The following RCOR1 variants were observed in gnomAD, a reference collection of about 807,000 sequenced individuals.
RCOR1 encodes REST corepressor 1.
In RCOR1, 12 loss-of-function variants were observed where a neutral mutation model predicts 64.0. That is an observed-to-expected ratio of 0.19 (90% CI 0.12 to 0.30). The LOEUF is 0.30. Ranked by LOEUF, RCOR1 falls within the 10% of genes least tolerant of loss-of-function variation. The probability of loss-of-function intolerance (pLI) is 1.00; values close to 1 mark genes in which losing one functional copy is unlikely to be tolerated. For synonymous variants in RCOR1, 279 were observed against 227.2 expected (o/e 1.23, Z -2.05); for missense variants, 502 against 621.2 (o/e 0.81, Z 2.04).
intron 2 of RCOR1, among the ~76,000 whole-genome samples, chr14:102,653,790 T>G (rs1486780309): frequency 6.6e-6 from 1 of 152,058 alleles, no homozygotes; most frequent in Non-Finnish European, 1.5e-5. Flanking sequence ...CCACCATGAT[T>G]ATAAGTTTAC....
At chr14:102,663,549 A>G (rs1894865216) in intron 2 of RCOR1, among the ~76,000 whole-genome samples, 1 of 152,218 alleles carries the variant, frequency 6.6e-6, no homozygotes, top group Admixed American at 6.5e-5. Flanking sequence ...ATTGTGTTAT[A>G]GGATAATCTG....
intron 2 of RCOR1, among the ~76,000 whole-genome samples, chr14:102,679,949 AAAG>A (rs1354241466): frequency 3.5e-4 from 53 of 152,212 alleles, no homozygotes; most frequent in African/African-American, 1.2e-3. Flanking sequence ...AATTACGGCA[AAAG>A]AAGGTGCTAC....
rs1332684154 is a variant in RCOR1, at chr14:102,708,541, T to C, written c.737T>C (p.Met246Thr). Residue 246 changes from methionine to threonine, a missense_variant, in exon 6 of 12, where the codon ATG (methionine) becomes ACG (threonine). Coordinates refer to ENST00000262241, the MANE Select transcript of RCOR1 (RefSeq NM_015156.4). ...WKKTRTKTSVMDRHARKQKRE... is the reference protein window; with the variant it reads ...WKKTRTKTSVTDRHARKQKRE... ...AAGACGAGGACTAAAACTAGTGTGA[T>C]GGATCGCCATGCCCGGAAACAAAAA... The C allele has an allele frequency of 6.2e-7, 1 of 1,612,904 alleles. No homozygotes were observed. The highest frequency in any genetic ancestry group is 8.5e-7 in the Non-Finnish European group (1 of 1,179,086).
chr14:102,712,440 A>G (rs904287292), intron 7 of RCOR1, among the ~76,000 whole-genome samples: 1 of 151,634 alleles, frequency 6.6e-6, no homozygotes, highest in African/African-American at 2.4e-5. Context: ...ATATATTTGT[A>G]TACGTAGCTA....
chr14:102,593,672 G>A (rs890152808), intron 2 of RCOR1, among the ~76,000 whole-genome samples: 1 of 152,196 alleles, frequency 6.6e-6, no homozygotes, highest in Non-Finnish European at 1.5e-5. Context: ...GGTAAGGGTG[G>A]CAGTGCCGGA....
Position 102,621,367 on chromosome 14 carries a change from C to CTTTTT in RCOR1, c.361+28064_361+28068dup, listed in dbSNP as rs35481023. 2.7e-3 allele frequency among the ~76,000 whole-genome samples: 209 copies of CTTTTT among 78,512 alleles called. 8 individuals carry two copies. Among genetic ancestry groups the CTTTTT allele is most frequent in the African/African-American group, 0.01 (197 of 19,660 alleles). The allele number at this position is 78,512 out of a possible 152,430, so 51.5% of individuals were successfully genotyped here. On this transcript the variant is annotated intron_variant, in intron 2 of 11. Transcript: ENST00000262241. ...AACTGTCTTGCACACCAGTCTTTGTCTTTTTTTTTTTTTTTTTTTTTTTTT... is the reference window on the plus strand; with the variant it reads ...AACTGTCTTGCACACCAGTCTTTGTCTTTTTTTTTTTTTTTTTTTTTTTTTTTTTT...
chr14:102,616,943 T>A (rs1893773327), intron 2 of RCOR1, among the ~76,000 whole-genome samples: 1 of 152,220 alleles, frequency 6.6e-6, no homozygotes, highest in Non-Finnish European at 1.5e-5. Context: ...AACAAACGGT[T>A]GCCAGCTATT....
intron 3 of RCOR1, among the ~76,000 whole-genome samples, chr14:102,688,759 G>T (rs1223888672): frequency 2.0e-5 from 3 of 152,168 alleles, no homozygotes; most frequent in African/African-American, 7.2e-5. Flanking sequence ...ACACGTTTCT[G>T]TTGAACCCCT....
At chr14:102,631,748 A>G (rs1206113238) in intron 2 of RCOR1, among the ~76,000 whole-genome samples, 1 of 152,140 alleles carries the variant, frequency 6.6e-6, no homozygotes, top group African/African-American at 2.4e-5. Context: ...ATAGCTTCTA[A>G]GCAGAACCCA....
chr14:102,628,714 C>T (rs572389884), intron 2 of RCOR1, among the ~76,000 whole-genome samples: 14 of 152,206 alleles, frequency 9.2e-5, no homozygotes, highest in African/African-American at 2.4e-4. Context: ...CCGCCATGCC[C>T]GGCCAATTTT....
At chr14:102,642,299 T>C (rs1384092579) in intron 2 of RCOR1, among the ~76,000 whole-genome samples, 1 of 152,246 alleles carries the variant, frequency 6.6e-6, no homozygotes, top group Non-Finnish European at 1.5e-5. Context: ...ATTCAGTGCC[T>C]CATGTTTCTT....
chr14:102,687,548 G>C (rs1398483844), intron 3 of RCOR1, among the ~76,000 whole-genome samples: 1 of 152,154 alleles, frequency 6.6e-6, no homozygotes, highest in East Asian at 1.9e-4. Context: ...TGTTGAGGAA[G>C]CGTAAATAAT....
chr14:102,595,449 C>T (rs985297326), intron 2 of RCOR1, among the ~76,000 whole-genome samples: 2 of 152,186 alleles, frequency 1.3e-5, no homozygotes, highest in Non-Finnish European at 2.9e-5. Context: ...GAGCAGTGAT[C>T]TGGCCATTGC....
At chr14:102,657,894 G>A (rs1595216188) in intron 2 of RCOR1, 2 of 983,980 alleles carry the variant, frequency 2.0e-6, no homozygotes, top group South Asian at 9.4e-5. Flanking sequence ...GAACAGGCCA[G>A]TTTCCCATTA....
chr14:102,675,688 A>G (rs776962976), intron 2 of RCOR1, among the ~76,000 whole-genome samples: 8 of 152,342 alleles, frequency 5.3e-5, no homozygotes, highest in Non-Finnish European at 8.8e-5. Flanking sequence ...GCAAATTCCA[A>G]TGCGGGGCAC....
intron 3 of RCOR1, among the ~76,000 whole-genome samples, chr14:102,695,770 C>T (rs1482186829): frequency 3.4e-5 from 5 of 147,506 alleles, no homozygotes; most frequent in Non-Finnish European, 7.4e-5. Context: ...AGGCTGGTTT[C>T]GAACTCCTGA....
chr14:102,672,831 T>C (rs190666854), intron 2 of RCOR1, among the ~76,000 whole-genome samples: 34 of 152,222 alleles, frequency 2.2e-4, no homozygotes, highest in African/African-American at 6.7e-4. Flanking sequence ...GCTGTTCTGC[T>C]CCCAAACAGT....
At chr14:102,676,593 C>T (rs1255645886) in intron 2 of RCOR1, among the ~76,000 whole-genome samples, 5 of 86,284 alleles carry the variant, frequency 5.8e-5, no homozygotes, top group Non-Finnish European at 9.3e-5. Context: ...GGCAGAGGCG[C>T]CCCTCACCTC....
intron 2 of RCOR1, among the ~76,000 whole-genome samples, chr14:102,609,147 G>A (rs1595192666): frequency 6.6e-6 from 1 of 150,470 alleles, no homozygotes; most frequent in Non-Finnish European, 1.5e-5. Flanking sequence ...CCGGGTTCAA[G>A]CAATTCTCCT....
Sources: allele counts gnomAD v4.1 joint callset (sites outside exome capture counted in the v4.1 genomes callset), GRCh38; gene constraint gnomAD v4.1.1; transcripts MANE v1.5; gene names NCBI Gene and HGNC (gene_info 2026-07-23, HGNC 2026-07-21).